The following MYH11 variants were observed in gnomAD, a reference collection of about 807,000 sequenced individuals.
MYH11 encodes the protein myosin-11.
A neutral mutation model predicts 246.6 loss-of-function variants in MYH11; 80 were observed. The observed-to-expected ratio is 0.32, with a 90% CI of 0.27 to 0.39. MYH11 has a LOEUF of 0.39. Ranked by LOEUF, MYH11 falls within the 10% of genes least tolerant of loss-of-function variation. MYH11 has a pLI of 1.00. For synonymous variants in MYH11, 1,071 were observed against 1,015.5 expected, an observed-to-expected ratio of 1.05 and a Z score of -1.04; for missense variants, 2,158 against 2,546.8, an observed-to-expected ratio of 0.85 and a Z score of 3.29.
chr16:15,717,173 G>A lies in MYH11; in HGVS notation c.5471C>T (p.Ala1824Val), dbSNP rs1596704264. Residue 1824 changes from alanine to valine, a missense_variant, in exon 38 of 41, where the codon GCA (alanine) becomes GTA (valine). Physicochemically the swap from Ala to Val is moderately conservative, Grantham distance 64 (BLOSUM62 0). This residue lies in a region of MYH11 where 1,013 missense variants were observed against 993.5 expected (regional missense o/e 1.02). Transcript: ENST00000300036. ...STIAALEAKIAQLEEQVEQEA... is the reference protein window; with the variant it reads ...STIAALEAKIVQLEEQVEQEA... ...CTGCTCGACCTGCTCCTCCAGCTGT[G>A]CAATCTTGGCCTCCAGCGCCGCGAT... 2.5e-6 allele frequency: 4 copies of A among 1,614,210 alleles called. No homozygotes were observed. Among genetic ancestry groups the A allele is most frequent in the Non-Finnish European group, 3.4e-6 (4 of 1,180,038 alleles).
Position 15,719,070 on chromosome 16 carries a change from G to A in MYH11, c.5171+150C>T, listed in dbSNP as rs545562248. On this transcript the variant is annotated intron_variant, in intron 36 of 40. Transcript: ENST00000300036. ...TTGAACCTGGGAGGTGGAGGTTGCAGTGAGCCAAGATTGTGCCACTGCCCT... is the reference window on the plus strand; with the variant it reads ...TTGAACCTGGGAGGTGGAGGTTGCAATGAGCCAAGATTGTGCCACTGCCCT... The A allele has an allele frequency of 5.3e-6, 4 of 756,558 alleles. No homozygotes were observed. The African/African-American group carries it at 6.9e-5, about 13-fold the overall frequency. The allele number at this position is 756,558 out of a possible 1,614,324, so 46.9% of individuals were successfully genotyped here. A position where few individuals can be genotyped will look rare whatever the true frequency, so the allele number is the denominator to read the frequency against.
In MYH11 at chr16:15,714,943, C is replaced by G; in HGVS notation, c.5752G>C (p.Gly1918Arg). The change falls in exon 40 of 41, where the codon GGC (glycine) becomes CGC (arginine). Residue 1918 changes from glycine (G) to arginine (R), a missense_variant. Gly to Arg is a moderately radical substitution (Grantham distance 125). Around this residue, in one of 11 missense-constraint regions of MYH11, gnomAD observed 1,013 missense variants for 993.5 expected, o/e 1.02. Transcript: ENST00000300036. ...CTCTTGAGTGCGTTCACCTCGCGGC[C>G]CATGGCCTCGTTGCTCTCCGTGGCC... The part of the protein sequence containing the change: ...DEATESNEAM[G>R]REVNALKSKL... 6.2e-7 allele frequency: 1 copy of G among 1,614,090 alleles called. No homozygotes were observed. Among genetic ancestry groups the G allele is most frequent in the Non-Finnish European group, 8.5e-7 (1 of 1,180,034 alleles).
intron 28 of MYH11, chr16:15,725,851 C>A: frequency 2.5e-6 from 1 of 395,984 alleles, no homozygotes; most frequent in Non-Finnish European, 4.4e-6. Flanking sequence ...AACCCCTCAA[C>A]AGCTTCACAT....
At chr16:15,819,653 A>G (rs563379886) in intron 3 of MYH11, among the ~76,000 whole-genome samples, 2 of 152,286 alleles carry the variant, frequency 1.3e-5, no homozygotes, top group South Asian at 4.2e-4. Flanking sequence ...CTGATTCTAC[A>G]TGATGGTGAG....
At position 15,724,985 on chromosome 16, in the gene MYH11, A is replaced by C. The variant is rs16967510; in HGVS notation, c.3866T>G (p.Val1289Gly). ...GTTAAGCATCCCTGTGACGCTCTCA[A>C]CTTCATTCTAAGGGTGCCAAGAGAC... ...NDKVHKLQNE[V>G]ESVTGMLNEA... is the part of the protein sequence containing the mutation. The change falls in exon 29 of 41, where the codon GTT becomes GGT. Residue 1289 changes from valine (V) to glycine (G), a missense_variant. Transcript: ENST00000300036. 3 of 1,613,410 alleles carry C rather than the reference A, an allele frequency of 1.9e-6. No homozygotes were observed.
chr16:15,839,406 A>G (rs943991559), intron 1 of MYH11, among the ~76,000 whole-genome samples: 1 of 152,020 alleles, frequency 6.6e-6, no homozygotes, highest in African/African-American at 2.4e-5. Flanking sequence ...ATAGAAGGTA[A>G]TGGCGGCCGG....
At chr16:15,826,594 G>GAAAAAAAAAAAA (rs57999830) in intron 2 of MYH11, among the ~76,000 whole-genome samples, 3 of 148,096 alleles carry the variant, frequency 2.0e-5, no homozygotes, top group African/African-American at 7.6e-5. Context: ...TCTCAAAAAA[G>GAAAAAAAAAAAA]AAAAAGAAAG....
chr16:15,758,421 G>A (rs1596791483), intron 12 of MYH11, among the ~76,000 whole-genome samples: 1 of 152,236 alleles, frequency 6.6e-6, no homozygotes, highest in African/African-American at 2.4e-5. Context: ...TGTAATCCCA[G>A]CACTTAGGGA....
rs2039635626 is a variant in MYH11, at chr16:15,709,108, A to AT, written c.5787-4986dup. The stretch of plus-strand genomic sequence containing the variant: ...CAGGCAGGCCCCACGTGCTTGGCTA[A>AT]TTTTTGTATTTTTAGTACAGATGGG... On this transcript the variant is annotated intron_variant, in intron 40 of 40. Transcript: ENST00000300036. 3.3e-5 allele frequency among the ~76,000 whole-genome samples: 5 copies of AT among 150,876 alleles called. No individual in the cohort carries two copies. The Admixed American group carries it at 3.3e-4, about 10-fold the overall frequency.
At chr16:15,715,701 C>G (rs775610304) in intron 38 of MYH11, among the ~76,000 whole-genome samples, 1 of 152,154 alleles carries the variant, frequency 6.6e-6, no homozygotes, top group Non-Finnish European at 1.5e-5. Context: ...AATGCCTGCT[C>G]TTCACCCTAG....
At chr16:15,775,609 C>A (rs12922040) in intron 8 of MYH11, among the ~76,000 whole-genome samples, 1 of 152,062 alleles carries the variant, frequency 6.6e-6, no homozygotes, top group South Asian at 2.1e-4. Context: ...CAGAAAAAGT[C>A]TTGACCCCTG....
rs1351539666 is a variant in MYH11 at position 15,786,669 on chromosome 16, C to T, written c.594G>A (p.Val198=). The T allele has an allele frequency of 6.2e-7, 1 of 1,614,120 alleles. No homozygotes were observed. Among genetic ancestry groups the T allele is most frequent in the Admixed American group, 1.7e-5 (1 of 60,020 alleles). Residue 198 remains valine (V), a synonymous_variant, in exon 5 of 41, where the codon GTG becomes GTA. Coordinates refer to ENST00000300036, the MANE Select transcript of MYH11 (RefSeq NM_002474.3). ...TKKVIQYLAV[V]ASSHKGKKDT... The stretch of plus-strand genomic sequence containing the variant: ...CTTTCTTGCCCTTGTGGGAGGAGGC[C>T]ACCACGGCCAGGTACTGAATGACCT...
At chr16:15,845,693 C>A (rs1331698126) in intron 1 of MYH11, among the ~76,000 whole-genome samples, 1 of 145,334 alleles carries the variant, frequency 6.9e-6, no homozygotes, top group Non-Finnish European at 1.5e-5. Context: ...CGCAGCAGAT[C>A]GTGTGTGTGT....
At chr16:15,843,354 G>C (rs566372701) in intron 1 of MYH11, among the ~76,000 whole-genome samples, 4 of 151,034 alleles carry the variant, frequency 2.6e-5, no homozygotes, top group Non-Finnish European at 5.9e-5. Context: ...CTGGACAACA[G>C]AGCAAGACTT....
At chr16:15,833,436 G>A (rs1486154092) in intron 2 of MYH11, among the ~76,000 whole-genome samples, 2 of 150,114 alleles carry the variant, frequency 1.3e-5, no homozygotes, top group African/African-American at 2.5e-5. Flanking sequence ...ACTAACTCGA[G>A]GCAGACGAAC....
chr16:15,749,993 A>C, intron 16 of MYH11, 145 bp downstream of exon 16: 2 of 989,294 alleles, frequency 2.0e-6, no homozygotes, highest in Non-Finnish European at 3.0e-6. Flanking sequence ...GGGATGGGGA[A>C]TGGGTCTGAG....
At chr16:15,826,661 T>C (rs2043575225) in intron 2 of MYH11, among the ~76,000 whole-genome samples, 1 of 151,566 alleles carries the variant, frequency 6.6e-6, no homozygotes, top group African/African-American at 2.4e-5. Context: ...GACAATGGTA[T>C]GTAATGTCTG....
intron 3 of MYH11, among the ~76,000 whole-genome samples, chr16:15,810,041 GTTTTTT>G (rs997208332): frequency 2.8e-5 from 4 of 143,542 alleles, no homozygotes; most frequent in African/African-American, 1.1e-4. Flanking sequence ...TTTTGTTTTT[GTTTTTT>G]TTTGAGACGG....
chr16:15,747,015 G>C (rs1427041681), intron 19 of MYH11, among the ~76,000 whole-genome samples: 1 of 152,062 alleles, frequency 6.6e-6, no homozygotes, highest in Admixed American at 6.5e-5. Flanking sequence ...TTGAGTCCAA[G>C]AGGCAGAGGT....
Sources: gnomAD v4.1 joint callset for allele counts (sites outside exome capture counted in the v4.1 genomes callset) on GRCh38, gnomAD v4.1.1 for gene constraint, gnomAD v4.1.1 regional missense constraint, MANE v1.5 for transcripts, NCBI Gene and HGNC (gene_info 2026-07-23, HGNC 2026-07-21) for gene names.